The following DEPDC1 variants were observed in gnomAD, a reference collection of about 807,000 sequenced individuals.
DEPDC1 encodes DEP domain containing 1.
In DEPDC1, 66 loss-of-function variants were observed where a neutral mutation model predicts 86.8. That is an observed-to-expected ratio of 0.76 (90% CI 0.62 to 0.93). The LOEUF (loss-of-function observed/expected upper bound fraction) is 0.93, where lower values mean the gene tolerates loss of function less well. DEPDC1 is among the 40% of genes least tolerant of loss of function. The pLI is 0.00. For missense variants in DEPDC1, 792 were observed against 935.7 expected (o/e 0.85, Z 2.00); for synonymous variants, 255 against 314.9 (o/e 0.81, Z 2.02).
In DEPDC1 at chr1:68,489,464, T is replaced by C. The variant is rs1646214903; in HGVS notation, c.459A>G (p.Leu153=). 2.0e-6 allele frequency: 3 copies of C among 1,503,616 alleles called. No homozygotes were observed. 93.1% of individuals were successfully genotyped at this position (1,503,616 alleles called of 1,614,324 possible). Residue 153 remains leucine (L), a synonymous_variant, in exon 3 of 12, where the codon TTA becomes TTG. Transcript: ENST00000456315. Reference sequence around the variant, plus strand: ...AAGGATGTGTTACCTGAGATAAATGTAATCCATGCCTTTTAGGAGTTCTAC... The same window carrying C: ...AAGGATGTGTTACCTGAGATAAATGCAATCCATGCCTTTTAGGAGTTCTAC... ...LSRRTPKRHG[L]HLSQENGEKI... is the part of the protein sequence containing the mutation.
intron 6 of DEPDC1, among the ~76,000 whole-genome samples, chr1:68,485,933 CT>C (rs1198484691): frequency 6.6e-6 from 1 of 151,992 alleles, no homozygotes; most frequent in African/African-American, 2.4e-5. Context: ...ATACTTGTAA[CT>C]ATTAAAACAT....
Position 68,497,029 on chromosome 1 carries a change from G to C in DEPDC1, c.-30C>G. ...CTGTCAGCGCCCGGTGGCGTCCATG[G>C]CGGCGAAGGCGACACTCAGGCCCAG... On this transcript the variant is annotated 5_prime_UTR_variant, in exon 1 of 12. Transcript: ENST00000456315. 6.2e-7 allele frequency: 1 copy of C among 1,610,372 alleles called. No individual in the cohort carries two copies. Among genetic ancestry groups the C allele is most frequent in the Non-Finnish European group, 8.5e-7 (1 of 1,177,834 alleles).
chr1:68,489,338 TAGG>T, intron 3 of DEPDC1, 111 bp downstream of exon 3: 2 of 686,402 alleles, frequency 2.9e-6, no homozygotes, highest in Non-Finnish European at 4.5e-6. Flanking sequence ...TAATGTAGGT[TAGG>T]AGGTTTCAGT....
intron 2 of DEPDC1, among the ~76,000 whole-genome samples, chr1:68,493,771 A>G (rs1646244603): frequency 6.6e-6 from 1 of 152,176 alleles, no homozygotes; most frequent in African/African-American, 2.4e-5. Flanking sequence ...GCTGGAGTGC[A>G]GTGGTGCAAT....
At chr1:68,488,040 T>G (rs1043137040) in intron 5 of DEPDC1, among the ~76,000 whole-genome samples, 1 of 151,878 alleles carries the variant, frequency 6.6e-6, no homozygotes, top group South Asian at 2.1e-4. Flanking sequence ...TTATCATTAA[T>G]CTTTAGCACA....
intron 2 of DEPDC1, among the ~76,000 whole-genome samples, chr1:68,494,088 A>G (rs1193800294): frequency 1.3e-5 from 2 of 152,198 alleles, no homozygotes; most frequent in African/African-American, 2.4e-5. Context: ...GAAGGGAAGG[A>G]TCTGTGAACT....
At position 68,481,541 on chromosome 1, in the gene DEPDC1, G is replaced by A; in HGVS notation, c.1834C>T (p.Pro612Ser). The A allele has an allele frequency of 6.2e-7, 1 of 1,612,112 alleles. No homozygotes were observed. Among genetic ancestry groups the A allele is most frequent in the Non-Finnish European group, 8.5e-7 (1 of 1,178,928 alleles). The change falls in exon 9 of 12, where the codon CCA becomes TCA. Residue 612 changes from proline (P) to serine (S), a missense_variant. Pro to Ser is a moderately conservative substitution (Grantham distance 74). Transcript: ENST00000456315. ...LQLCCLLLPP[P>S]NRRKLQLLMR... ...AAAAGTTGAAGCTTTCTACGATTTG[G>A]TGGGGGAAGTAACAAACAACATAAC...
intron 11 of DEPDC1, among the ~76,000 whole-genome samples, chr1:68,477,572 T>C (rs1438656366): frequency 6.6e-6 from 1 of 151,916 alleles, no homozygotes; most frequent in Admixed American, 6.6e-5. Flanking sequence ...ACTGTTGGTA[T>C]TATTTTAAAA....
chr1:68,478,301 C>T (rs550026391), intron 10 of DEPDC1, among the ~76,000 whole-genome samples: 26 of 152,026 alleles, frequency 1.7e-4, no homozygotes, highest in African/African-American at 5.8e-4. Context: ...ATAATTATTA[C>T]CATTAACTAT....
At chr1:68,487,054 A>C (rs113594159) in intron 5 of DEPDC1, 70 bp from the exon 6 acceptor site, 21 of 1,391,852 alleles carry the variant, frequency 1.5e-5, no homozygotes, top group African/African-American at 1.3e-4. Context: ...AAAATATCAC[A>C]CTTACGTGCA....
chr1:68,481,344 G>T, intron 9 of DEPDC1, 96 bp downstream of exon 9: 2 of 1,112,884 alleles, frequency 1.8e-6, no homozygotes, highest in South Asian at 1.6e-5. Flanking sequence ...AGCACTTTAA[G>T]ACTAAGACAT....
chr1:68,479,046 G>C (rs1023211326), intron 10 of DEPDC1, 98 bp downstream of exon 10: 1 of 1,032,240 alleles, frequency 9.7e-7, no homozygotes, highest in Non-Finnish European at 1.4e-6. Flanking sequence ...TTGTTTATGG[G>C]AGCTGATAAA....
intron 9 of DEPDC1, among the ~76,000 whole-genome samples, 182 bp from the exon 10 acceptor site, chr1:68,479,502 C>T (rs2100244557): frequency 6.6e-6 from 1 of 151,930 alleles, no homozygotes; most frequent in South Asian, 2.1e-4. Context: ...TACATAAATC[C>T]TTTTTAAAGT....
At chr1:68,493,378 C>T (rs572261774) in intron 2 of DEPDC1, among the ~76,000 whole-genome samples, 2 of 152,048 alleles carry the variant, frequency 1.3e-5, no homozygotes, top group African/African-American at 4.8e-5. Flanking sequence ...AACAAAGAAC[C>T]GTAGGTCATA....
At chr1:68,488,310 C>T in intron 5 of DEPDC1, 64 bp downstream of exon 5, 2 of 1,465,832 alleles carry the variant, frequency 1.4e-6, no homozygotes, top group Non-Finnish European at 9.0e-7. Context: ...TCTCTCTTTA[C>T]ACTACTATAG....
intron 2 of DEPDC1, among the ~76,000 whole-genome samples, chr1:68,493,480 T>C (rs1365771198): frequency 6.6e-6 from 1 of 152,058 alleles, no homozygotes; most frequent in Non-Finnish European, 1.5e-5. Flanking sequence ...ATGTATAAGT[T>C]TACTAGCCTG....
Position 68,489,447 on chromosome 1 carries a change from GT to G in DEPDC1, c.471+4del. On this transcript the variant is annotated splice_donor_region_variant and intron_variant, in intron 3 of 11. Transcript: ENST00000456315. Reference sequence around the variant, plus strand: ...AAACTAGTAATTAGTAAAAGGATGTGTTACCTGAGATAAATGTAATCCATGC... The same window carrying G: ...AAACTAGTAATTAGTAAAAGGATGTGTACCTGAGATAAATGTAATCCATGC... 1 of 1,479,248 alleles carries G rather than the reference GT, an allele frequency of 6.8e-7. No homozygotes were observed. The highest frequency in any genetic ancestry group is 9.0e-7 in the Non-Finnish European group (1 of 1,117,302). The allele number at this position is 1,479,248 out of a possible 1,614,324, so 91.6% of individuals were successfully genotyped here. A position where few individuals can be genotyped will look rare whatever the true frequency, so the allele number is the denominator to read the frequency against.
intron 10 of DEPDC1, among the ~76,000 whole-genome samples, chr1:68,478,769 A>G (rs1646134097): frequency 6.6e-6 from 1 of 151,996 alleles, no homozygotes; most frequent in African/African-American, 2.4e-5. Context: ...ACTCACTCTT[A>G]ACAACCTAAA....
intron 2 of DEPDC1, 150 bp from the exon 3 acceptor site, chr1:68,489,758 C>A: frequency 2.2e-6 from 1 of 460,406 alleles, no homozygotes; most frequent in South Asian, 3.6e-5. Flanking sequence ...CCCATTAAAC[C>A]TTTAAAAAAA....
Sources: allele counts gnomAD v4.1 joint callset (sites outside exome capture counted in the v4.1 genomes callset), GRCh38; gene constraint gnomAD v4.1.1; transcripts MANE v1.5; gene names NCBI Gene and HGNC (gene_info 2026-07-23, HGNC 2026-07-21).